The following PDE4B variants were observed in gnomAD, a reference collection of about 807,000 sequenced individuals.
PDE4B encodes the protein 3',5'-cyclic-AMP phosphodiesterase 4B.
Under a neutral mutation model 82.2 loss-of-function variants are expected in PDE4B, and 20 were observed. The observed-to-expected ratio is 0.24, with a 90% CI of 0.17 to 0.35. The LOEUF (loss-of-function observed/expected upper bound fraction) is 0.35. PDE4B is among the 10% of genes least tolerant of loss of function. The pLI is 1.00. For missense variants in PDE4B, 655 were observed against 907.2 expected (o/e 0.72, Z 3.57); for synonymous variants, 320 against 318.9 (o/e 1.00, Z -0.04).
intron 1 of PDE4B, among the ~76,000 whole-genome samples, chr1:65,866,168 C>CT (rs921993991): frequency 4.0e-5 from 6 of 151,524 alleles, no homozygotes; most frequent in African/African-American, 4.8e-5. Flanking sequence ...AAAACTCCAA[C>CT]TTTTTTTTTA....
intron 3 of PDE4B, among the ~76,000 whole-genome samples, chr1:65,976,026 C>T (rs1010613621): frequency 2.6e-5 from 4 of 152,204 alleles, no homozygotes; most frequent in African/African-American, 9.7e-5. Flanking sequence ...AAGAGGACCA[C>T]TGTCCTCCAG....
At chr1:66,355,867 C>T (rs1465393120) in intron 9 of PDE4B, among the ~76,000 whole-genome samples, 3 of 152,170 alleles carry the variant, frequency 2.0e-5, no homozygotes, top group Non-Finnish European at 4.4e-5. Flanking sequence ...TGTATTTAAA[C>T]GGCCCTCAGC....
intron 3 of PDE4B, among the ~76,000 whole-genome samples, chr1:66,086,504 T>C (rs530638615): frequency 5.3e-5 from 8 of 152,316 alleles, no homozygotes; most frequent in African/African-American, 1.7e-4. Context: ...TCTCTTATTT[T>C]ATGTCATAAT....
chr1:66,333,217 A>T (rs918820381), intron 8 of PDE4B, among the ~76,000 whole-genome samples: 1 of 152,206 alleles, frequency 6.6e-6, no homozygotes, highest in South Asian at 2.1e-4. Context: ...GCTGATTTTC[A>T]TAGTGAAATC....
intron 3 of PDE4B, among the ~76,000 whole-genome samples, chr1:65,994,657 A>T (rs569048946): frequency 1.3e-5 from 2 of 152,144 alleles, no homozygotes; most frequent in African/African-American, 4.8e-5. Flanking sequence ...TATGAAAATA[A>T]TATATACAGA....
intron 3 of PDE4B, among the ~76,000 whole-genome samples, chr1:66,109,786 C>CCAATAGTA (rs1420112838): frequency 6.6e-6 from 1 of 151,424 alleles, no homozygotes; most frequent in African/African-American, 2.4e-5. Flanking sequence ...TCTAATGTAC[C>CCAATAGTA]CATCACCCAA....
At chr1:66,013,840 G>A (rs114118303) in intron 3 of PDE4B, among the ~76,000 whole-genome samples, 3,656 of 152,158 alleles carry the variant, frequency 0.024, 76 homozygotes, top group Middle Eastern at 0.034. Context: ...TGAGTCATAT[G>A]ATAATTCTAT....
intron 1 of PDE4B, among the ~76,000 whole-genome samples, chr1:65,907,939 A>G (rs1261422948): frequency 6.6e-6 from 1 of 152,172 alleles, no homozygotes; most frequent in East Asian, 1.9e-4. Flanking sequence ...GACATACACA[A>G]GGGTGGTCTC....
At chr1:66,084,781 A>G (rs1656920055) in intron 3 of PDE4B, among the ~76,000 whole-genome samples, 1 of 152,082 alleles carries the variant, frequency 6.6e-6, no homozygotes, top group Admixed American at 6.6e-5. Context: ...TTTTAGTAGA[A>G]ATTTAGACTG....
intron 7 of PDE4B, among the ~76,000 whole-genome samples, chr1:66,328,572 A>G (rs1251219079): frequency 6.6e-6 from 1 of 152,182 alleles, no homozygotes; most frequent in African/African-American, 2.4e-5. Flanking sequence ...CTGATGGGAC[A>G]ATGGAGTATG....
chr1:66,226,427 TG>T (rs1369456244), intron 3 of PDE4B, among the ~76,000 whole-genome samples: 7 of 152,184 alleles, frequency 4.6e-5, no homozygotes, highest in Non-Finnish European at 1.0e-4. Flanking sequence ...TAGAATAAGA[TG>T]ATGTGGTGTG....
intron 3 of PDE4B, among the ~76,000 whole-genome samples, chr1:66,006,988 C>G (rs1427479251): frequency 6.6e-6 from 1 of 152,016 alleles, no homozygotes; most frequent in Non-Finnish European, 1.5e-5. Context: ...AATAAATTAG[C>G]CAGGCATAGT....
At chr1:66,141,233 G>A (rs946904901) in intron 3 of PDE4B, among the ~76,000 whole-genome samples, 1 of 149,856 alleles carries the variant, frequency 6.7e-6, no homozygotes, top group East Asian at 2.0e-4. Flanking sequence ...ACAGTACCCT[G>A]GATTCAGAGA....
chr1:66,200,607 A>G (rs1448299018), intron 3 of PDE4B, among the ~76,000 whole-genome samples: 1 of 152,108 alleles, frequency 6.6e-6, no homozygotes, highest in African/African-American at 2.4e-5. Flanking sequence ...TCTTTGAAGC[A>G]ATTGTGAATG....
intron 1 of PDE4B, among the ~76,000 whole-genome samples, chr1:65,859,381 T>C (rs770911476): frequency 6.6e-6 from 1 of 152,170 alleles, no homozygotes; most frequent in Non-Finnish European, 1.5e-5. Flanking sequence ...AAGACTCTGG[T>C]ACAAAGATGT....
intron 7 of PDE4B, among the ~76,000 whole-genome samples, chr1:66,304,179 A>T (rs529720323): frequency 6.6e-6 from 1 of 152,154 alleles, no homozygotes; most frequent in African/African-American, 2.4e-5. Context: ...CTTGTCAGTG[A>T]GGTCATTTCT....
intron 3 of PDE4B, among the ~76,000 whole-genome samples, chr1:66,055,001 T>C (rs780203153): frequency 7.9e-5 from 12 of 152,228 alleles, no homozygotes; most frequent in Non-Finnish European, 1.8e-4. Flanking sequence ...AGAGGTGATA[T>C]TAGTCAAACT....
intron 3 of PDE4B, among the ~76,000 whole-genome samples, chr1:66,042,980 A>G (rs2100833549): frequency 6.6e-6 from 1 of 151,824 alleles, no homozygotes; most frequent in Middle Eastern, 3.4e-3. Flanking sequence ...TTCTTACCGT[A>G]TGAAATTCAT....
At chr1:66,355,050 A>G in intron 8 of PDE4B, 1 of 617,422 alleles carries the variant, frequency 1.6e-6, no homozygotes, top group East Asian at 2.8e-5. Context: ...ATGTTATATT[A>G]CATTTTATTT....
Sources: allele counts gnomAD v4.1 joint callset (sites outside exome capture counted in the v4.1 genomes callset), GRCh38; gene constraint gnomAD v4.1.1; transcripts MANE v1.5; gene names NCBI Gene and HGNC (gene_info 2026-07-23, HGNC 2026-07-21).